The following AUTS2 variants were observed in gnomAD, a reference collection of about 807,000 sequenced individuals.
AUTS2 encodes the protein autism susceptibility gene 2 protein.
Under a neutral mutation model 112.4 loss-of-function variants are expected in AUTS2, and 17 were observed. The ratio of observed to expected loss-of-function variants is 0.15; its 90% CI spans 0.10 to 0.23. The LOEUF is 0.23. Among genes scored for constraint, AUTS2 ranks in the 10% least tolerant of loss-of-function variants. The probability of loss-of-function intolerance (pLI) is 1.00; values close to 1 mark genes in which losing one functional copy is unlikely to be tolerated. For missense variants in AUTS2, 1,510 were observed against 1,701.6 expected (o/e 0.89, Z 1.98); for synonymous variants, 751 against 702.7 (o/e 1.07, Z -1.09).
intron 5 of AUTS2, chr7:70,595,986 C>T (rs1035301068): frequency 6.6e-6 from 1 of 152,010 alleles, no homozygotes; most frequent in Non-Finnish European, 1.5e-5. Context: ...TGCCTGCGCG[C>T]TTTGCCGCCG....
chr7:69,763,131 C>A lies in AUTS2; in HGVS notation c.310-136155C>A, dbSNP rs929947421. Among the ~76,000 whole-genome samples, 7 of 152,194 alleles carry A rather than the reference C, an allele frequency of 4.6e-5. No individual in the cohort carries two copies. The East Asian group carries it at 1.3e-3, about 29-fold the overall frequency. ...AATGCCACCTCATACTTGCATCACA[C>A]CTTTTAATAAGGCGGTTTAAAAATA... On this transcript the variant is annotated intron_variant, in intron 1 of 18. Coordinates refer to ENST00000342771, the MANE Select transcript of AUTS2 (RefSeq NM_015570.4).
intron 1 of AUTS2, among the ~76,000 whole-genome samples, chr7:69,677,482 A>G (rs1250921116): frequency 1.3e-5 from 2 of 152,152 alleles, no homozygotes; most frequent in African/African-American, 2.4e-5. Context: ...TTTCCCTTCT[A>G]TAGGATGAGA....
intron 1 of AUTS2, among the ~76,000 whole-genome samples, chr7:69,636,551 C>T (rs1794549521): frequency 6.7e-6 from 1 of 148,416 alleles, no homozygotes. Flanking sequence ...GCCTGGAGCA[C>T]ACATTAGCTT....
intron 4 of AUTS2, among the ~76,000 whole-genome samples, chr7:70,231,134 G>C (rs1812026879): frequency 6.6e-6 from 1 of 152,134 alleles, no homozygotes; most frequent in African/African-American, 2.4e-5. Flanking sequence ...ATTTTGTTCT[G>C]TTTCATTGTT....
intron 5 of AUTS2, among the ~76,000 whole-genome samples, chr7:70,547,456 T>C (rs1800835858): frequency 1.3e-5 from 2 of 152,226 alleles, no homozygotes; most frequent in South Asian, 2.1e-4. Context: ...GGTTTCACCA[T>C]GTTGGCCAGG....
chr7:69,679,219 C>A (rs947921451), intron 1 of AUTS2, among the ~76,000 whole-genome samples: 9 of 152,190 alleles, frequency 5.9e-5, no homozygotes, highest in Non-Finnish European at 8.8e-5. Context: ...AGGACCATTT[C>A]CTGGAGTTAC....
chr7:69,618,946 C>A (rs1292189785), intron 1 of AUTS2, among the ~76,000 whole-genome samples: 1 of 152,046 alleles, frequency 6.6e-6, no homozygotes, highest in Non-Finnish European at 1.5e-5. Context: ...TGGGAGGGTG[C>A]AGGAAGCCCC....
chr7:70,344,472 T>C (rs902883487), intron 4 of AUTS2, among the ~76,000 whole-genome samples: 1 of 152,160 alleles, frequency 6.6e-6, no homozygotes. Context: ...CTAAGTCCCA[T>C]GCCCTCAACC....
intron 5 of AUTS2, among the ~76,000 whole-genome samples, chr7:70,562,149 C>T (rs1373553745): frequency 1.3e-5 from 2 of 152,194 alleles, no homozygotes; most frequent in Non-Finnish European, 1.5e-5. Context: ...CTTGTACAAG[C>T]TGCAGAGCCA....
At chr7:69,608,155 A>G (rs1262365819) in intron 1 of AUTS2, among the ~76,000 whole-genome samples, 1 of 152,110 alleles carries the variant, frequency 6.6e-6, no homozygotes, top group Admixed American at 6.5e-5. Context: ...GCTGGTTTCA[A>G]ACTCCTGGGC....
At chr7:69,783,815 T>C (rs921209807) in intron 1 of AUTS2, among the ~76,000 whole-genome samples, 14 of 152,182 alleles carry the variant, frequency 9.2e-5, no homozygotes, top group Non-Finnish European at 1.9e-4. Context: ...CTGTTTTTGA[T>C]CATTTGAATA....
intron 6 of AUTS2, among the ~76,000 whole-genome samples, chr7:70,724,529 T>C (rs1786903232): frequency 6.9e-6 from 1 of 145,678 alleles, no homozygotes; most frequent in Admixed American, 7.3e-5. Context: ...CACTGCAAGC[T>C]CCACCTCCTC....
intron 5 of AUTS2, among the ~76,000 whole-genome samples, chr7:70,541,290 G>A (rs1288359379): frequency 6.6e-6 from 1 of 152,184 alleles, no homozygotes; most frequent in African/African-American, 2.4e-5. Context: ...TGAGGTGAGA[G>A]ACTGTCACAG....
rs531566777 is a variant in AUTS2 at position 69,672,275 on chromosome 7, T to A, written c.309+72313T>A. On this transcript the variant is annotated intron_variant, in intron 1 of 18. Coordinates refer to ENST00000342771, the MANE Select transcript of AUTS2 (RefSeq NM_015570.4). ...GGTTTCTCCATGTTGGTCAGTCCGA[T>A]CTCGAACTCCCGACCTCAGGTGATC... Among the ~76,000 whole-genome samples, 21 of 152,146 alleles carry A rather than the reference T, an allele frequency of 1.4e-4. 1 individual carries two copies. In the South Asian group the frequency reaches 2.7e-3, roughly 20 times the overall value.
At chr7:70,377,351 T>TATAC (rs1793148425) in intron 4 of AUTS2, among the ~76,000 whole-genome samples, 1 of 116,098 alleles carries the variant, frequency 8.6e-6, no homozygotes. Context: ...TATATATATA[T>TATAC]ATATATATAT....
In AUTS2 at chr7:69,599,984, C is replaced by T. The variant is rs1792288506; in HGVS notation, c.309+22C>T. The T allele has an allele frequency of 6.2e-7, 1 of 1,612,258 alleles. No individual in the cohort carries two copies. The highest frequency in any genetic ancestry group is 2.2e-5 in the East Asian group (1 of 44,802). On this transcript the variant is annotated intron_variant, in intron 1 of 18. Coordinates refer to ENST00000342771, the MANE Select transcript of AUTS2 (RefSeq NM_015570.4). The surrounding 1 kb of genome is among the most constrained non-coding windows in gnomAD (Gnocchi z 7.0). Reference sequence around the variant, plus strand: ...GGAGGTAAGGGGGACCCCCCTTCCCCCGGGTTCCCTTTATGCACGACCCCA... The same window carrying T: ...GGAGGTAAGGGGGACCCCCCTTCCCTCGGGTTCCCTTTATGCACGACCCCA...
chr7:70,726,814 G>T (rs1787061418), intron 6 of AUTS2, among the ~76,000 whole-genome samples: 1 of 152,134 alleles, frequency 6.6e-6, no homozygotes, highest in African/African-American at 2.4e-5. Flanking sequence ...AGTGGATCTG[G>T]CGCTTTTGTT....
At chr7:70,414,380 T>C (rs1794906320) in intron 4 of AUTS2, among the ~76,000 whole-genome samples, 1 of 152,216 alleles carries the variant, frequency 6.6e-6, no homozygotes, top group African/African-American at 2.4e-5. Context: ...GACCTTCTCC[T>C]ATCAGGGATA....
At chr7:70,539,704 C>T (rs1387356369) in intron 5 of AUTS2, among the ~76,000 whole-genome samples, 1 of 152,122 alleles carries the variant, frequency 6.6e-6, no homozygotes, top group Non-Finnish European at 1.5e-5. Context: ...TATGCTTTTA[C>T]ACTGCGAATC....
Sources: allele counts gnomAD v4.1 joint callset (sites outside exome capture counted in the v4.1 genomes callset), GRCh38; gene constraint gnomAD v4.1.1; non-coding constraint Gnocchi (gnomAD v3.1); transcripts MANE v1.5; gene names NCBI Gene and HGNC (gene_info 2026-07-23, HGNC 2026-07-21).